CBL: variants seen among roughly 807,000 people sequenced by gnomAD.
CBL encodes the protein Cbl proto-oncogene, also known as E3 ubiquitin-protein ligase CBL.
In CBL, 45 loss-of-function variants were observed where a neutral mutation model predicts 96.9. The ratio of observed to expected loss-of-function variants is 0.46; its 90% confidence interval spans 0.37 to 0.60. The LOEUF (loss-of-function observed/expected upper bound fraction) is 0.60, where lower values mean the gene tolerates loss of function less well. CBL is among the 20% of genes least tolerant of loss of function. CBL has a pLI of 0.00. For missense variants in CBL, 1,024 were observed against 1,143.5 expected, an observed-to-expected ratio of 0.90 and a Z score of 1.51; for synonymous variants, 420 against 426.8, an observed-to-expected ratio of 0.98 and a Z score of 0.20.
intron 2 of CBL, among the ~76,000 whole-genome samples, chr11:119,259,483 G>A (rs1026081890): frequency 6.6e-6 from 1 of 152,052 alleles, no homozygotes; most frequent in African/African-American, 2.4e-5. Flanking sequence ...CTATGCAAAA[G>A]TAAACAGTAT....
intron 12 of CBL, among the ~76,000 whole-genome samples, chr11:119,294,502 A>G (rs1950050277): frequency 6.6e-6 from 1 of 151,552 alleles, no homozygotes; most frequent in African/African-American, 2.4e-5. Context: ...TTTAGAAAAT[A>G]TAGGTAAGCA....
chr11:119,253,297 C>T (rs1245807542), intron 2 of CBL, among the ~76,000 whole-genome samples: 1 of 151,512 alleles, frequency 6.6e-6, no homozygotes, highest in Non-Finnish European at 1.5e-5. Flanking sequence ...GCCTGGTTCA[C>T]AGAAAACAGG....
At chr11:119,296,053 A>G (rs1251758289) in intron 12 of CBL, among the ~76,000 whole-genome samples, 1 of 152,236 alleles carries the variant, frequency 6.6e-6, no homozygotes, top group Admixed American at 6.5e-5. Context: ...AAGTGAGATT[A>G]AAGGGGACTT....
intron 2 of CBL, among the ~76,000 whole-genome samples, chr11:119,264,460 C>CTCTTT (rs967226153): frequency 7.1e-6 from 1 of 140,106 alleles, no homozygotes; most frequent in Non-Finnish European, 1.5e-5. Flanking sequence ...CTCTTCTCTT[C>CTCTTT]TCTTTTCTTC....
chr11:119,220,531 C>T (rs1428629678), intron 1 of CBL, among the ~76,000 whole-genome samples: 1 of 152,070 alleles, frequency 6.6e-6, no homozygotes, highest in Non-Finnish European at 1.5e-5. Flanking sequence ...CCTAGCAGGT[C>T]GAGGCTGAAG....
At chr11:119,270,416 T>TTATGTA (rs1949835218) in intron 2 of CBL, among the ~76,000 whole-genome samples, 1 of 74,364 alleles carries the variant, frequency 1.3e-5, no homozygotes, top group African/African-American at 6.2e-5. Context: ...CAGCTAATTT[T>TTATGTA]TATATATATA....
At chr11:119,212,973 A>C (rs35279933) in intron 1 of CBL, among the ~76,000 whole-genome samples, 7 of 39,732 alleles carry the variant, frequency 1.8e-4, no homozygotes, top group Admixed American at 3.2e-4. Flanking sequence ...ACTCCGTCTC[A>C]AAAAAAAAGA....
At chr11:119,244,494 C>T (rs888473959) in intron 2 of CBL, among the ~76,000 whole-genome samples, 11 of 151,240 alleles carry the variant, frequency 7.3e-5, no homozygotes, top group Admixed American at 6.6e-5. Context: ...CTTGGCTCAC[C>T]GCAGCCTCAA....
chr11:119,209,713 A>G (rs1310299034), intron 1 of CBL, among the ~76,000 whole-genome samples: 1 of 152,168 alleles, frequency 6.6e-6, no homozygotes, highest in African/African-American at 2.4e-5. Flanking sequence ...TTGAAGCTGG[A>G]TGAATATTAT....
Position 119,244,613 on chromosome 11 carries a change from G to A in CBL, c.443+11918G>A, listed in dbSNP as rs182257701. On this transcript the variant is annotated intron_variant, in intron 2 of 15. Coordinates refer to ENST00000264033, the MANE Select transcript of CBL (RefSeq NM_005188.4). ...TTTTTTTTTTTTGAGACGGAGTCTC[G>A]CTCTGTCGCCCAGCCTGGAGTGCAG... Among the ~76,000 whole-genome samples the A allele has an allele frequency of 8.5e-4, 70 of 82,370 alleles. No homozygotes were observed. In the East Asian group the frequency reaches 0.035, roughly 41 times the overall value. The allele number at this position is 82,370 out of a possible 152,430, so 54.0% of individuals were successfully genotyped here.
intron 1 of CBL, among the ~76,000 whole-genome samples, chr11:119,227,428 T>TG (rs1392303363): frequency 6.6e-5 from 10 of 152,230 alleles, no homozygotes; most frequent in African/African-American, 2.4e-4. Context: ...CTGCTGTAGC[T>TG]GGCTTTTTTC....
At position 119,306,828 on chromosome 11, in the gene CBL, G is replaced by T. The variant is rs1950146403; in HGVS notation, c.*7047G>T. The T allele has an allele frequency of 4.3e-6, 1 of 234,084 alleles. No homozygotes were observed. Among genetic ancestry groups the T allele is most frequent in the Non-Finnish European group, 8.4e-6 (1 of 118,592 alleles). 14.5% of individuals were successfully genotyped at this position (234,084 alleles called of 1,614,324 possible). A position where few individuals can be genotyped will look rare whatever the true frequency, so the allele number is the denominator to read the frequency against. On this transcript the variant is annotated 3_prime_UTR_variant, in exon 16 of 16. Coordinates refer to ENST00000264033, the MANE Select transcript of CBL (RefSeq NM_005188.4). Reference sequence around the variant, plus strand: ...CTTCCTGCTGACACATGTGGTAGGGGCATGGCAGCTATGAGGCACCTCCTA... The same window carrying T: ...CTTCCTGCTGACACATGTGGTAGGGTCATGGCAGCTATGAGGCACCTCCTA...
At position 119,232,653 on chromosome 11, in the gene CBL, A is replaced by G. The variant is rs2135266374; in HGVS notation, c.401A>G (p.Lys134Arg). 6 of 1,613,964 alleles carry G rather than the reference A, an allele frequency of 3.7e-6. No individual in the cohort carries two copies. The highest frequency in any genetic ancestry group is 1.3e-5 in the African/African-American group (1 of 75,062). ...ACTAAGCAAACCATAAGCCTCTTCA[A>G]GGAGGGAAAAGAAAGAATGTATGAG... ...KKTKQTISLFKEGKERMYEEN... is the reference protein window; with the variant it reads ...KKTKQTISLFREGKERMYEEN... The change falls in exon 2 of 16, where the codon AAG becomes AGG. Residue 134 changes from lysine (K) to arginine (R), a missense_variant. Physicochemically the swap from Lys to Arg is conservative, Grantham distance 26 (BLOSUM62 2). Around this residue, in one of 4 missense-constraint regions of CBL, gnomAD observed 192 missense variants for 321.8 expected, o/e 0.60. Transcript: ENST00000264033.
intron 2 of CBL, among the ~76,000 whole-genome samples, chr11:119,259,959 A>G (rs1434070551): frequency 6.6e-6 from 1 of 152,176 alleles, no homozygotes; most frequent in African/African-American, 2.4e-5. Flanking sequence ...CAGCTTGATT[A>G]TCTTGTACAA....
chr11:119,256,429 C>T (rs1193555102), intron 2 of CBL, among the ~76,000 whole-genome samples: 1 of 152,148 alleles, frequency 6.6e-6, no homozygotes, highest in African/African-American at 2.4e-5. Flanking sequence ...GATCCACCCA[C>T]CTTGGACTCC....
At chr11:119,256,393 C>A (rs1402429213) in intron 2 of CBL, among the ~76,000 whole-genome samples, 1 of 152,004 alleles carries the variant, frequency 6.6e-6, no homozygotes, top group Non-Finnish European at 1.5e-5. Flanking sequence ...GTTGGCCAGG[C>A]TAGTCTTGAA....
intron 15 of CBL, among the ~76,000 whole-genome samples, chr11:119,299,004 C>T (rs932267590): frequency 2.6e-5 from 4 of 152,230 alleles, no homozygotes; most frequent in Admixed American, 2.0e-4. Context: ...GCCAGAGTTG[C>T]TGTCACTTTG....
intron 2 of CBL, among the ~76,000 whole-genome samples, chr11:119,252,493 C>G (rs74846025): frequency 0.015 from 2,346 of 152,222 alleles, 23 homozygotes; most frequent in Middle Eastern, 0.041. Context: ...AATCTAAGTG[C>G]TATTGACATC....
At chr11:119,246,122 G>A (rs7129004) in intron 2 of CBL, among the ~76,000 whole-genome samples, 128 of 151,172 alleles carry the variant, frequency 8.5e-4, no homozygotes, top group Non-Finnish European at 1.6e-3. Flanking sequence ...CTACAGGCGC[G>A]CGCCACCATG....
Sources: allele counts gnomAD v4.1 joint callset (sites outside exome capture counted in the v4.1 genomes callset), GRCh38; gene constraint gnomAD v4.1.1; regional missense constraint gnomAD v4.1.1; transcripts MANE v1.5; gene names NCBI Gene and HGNC (gene_info 2026-07-23, HGNC 2026-07-21).